The following PTCHD4 variants were observed in gnomAD, a reference collection of about 807,000 sequenced individuals.
PTCHD4 encodes the protein patched domain containing 4.
In PTCHD4, 33 loss-of-function variants were observed where a neutral mutation model predicts 58.1. The observed-to-expected ratio is 0.57, with a 90% CI of 0.43 to 0.76. The LOEUF is 0.76. Ranked by LOEUF, PTCHD4 falls within the 30% of genes least tolerant of loss-of-function variation. The pLI, the probability that PTCHD4 is intolerant of heterozygous loss-of-function variation, is 0.00. For missense variants in PTCHD4, 1,058 were observed against 1,027.1 expected (o/e 1.03, Z -0.41); for synonymous variants, 478 against 409.6 (o/e 1.17, Z -2.02).
intron 4 of PTCHD4, among the ~76,000 whole-genome samples, chr6:47,912,806 A>T (rs993885841): frequency 5.9e-5 from 9 of 152,164 alleles, no homozygotes; most frequent in African/African-American, 2.2e-4. Context: ...AGCAGCACAG[A>T]GTGCAAAGTG....
intron 3 of PTCHD4, among the ~76,000 whole-genome samples, chr6:48,050,691 T>C (rs1335728604): frequency 1.3e-5 from 2 of 151,952 alleles, no homozygotes; most frequent in Non-Finnish European, 2.9e-5. Flanking sequence ...CACACCACCA[T>C]TACATGGTGG....
chr6:47,928,346 G>A (rs1360239440), intron 4 of PTCHD4, among the ~76,000 whole-genome samples: 1 of 152,210 alleles, frequency 6.6e-6, no homozygotes, highest in Non-Finnish European at 1.5e-5. Flanking sequence ...GAAAGTCAGT[G>A]AGAATGAAAC....
At chr6:48,077,181 T>C (rs1765076621) in intron 1 of PTCHD4, among the ~76,000 whole-genome samples, 1 of 152,348 alleles carries the variant, frequency 6.6e-6, no homozygotes, top group South Asian at 2.1e-4. Context: ...CAGGCTTTGT[T>C]GTTTCATTTG....
chr6:47,998,315 C>T (rs979543783), intron 4 of PTCHD4, among the ~76,000 whole-genome samples: 1 of 152,184 alleles, frequency 6.6e-6, no homozygotes, highest in African/African-American at 2.4e-5. Context: ...CCCTGCTTAG[C>T]TATTCAATCC....
chr6:48,083,127 CAT>C (rs934407105), intron 1 of PTCHD4, among the ~76,000 whole-genome samples: 1 of 149,550 alleles, frequency 6.7e-6, no homozygotes. Flanking sequence ...AGAAAGTCTG[CAT>C]ATATATATAT....
Position 47,998,997 on chromosome 6 carries a change from A to T in PTCHD4, c.898+9637T>A, listed in dbSNP as rs148236475. ...AATCATAAAAGCCACCAATAAGTCAATGTTTAAAAATGTTGACTATGGGTA... is the reference window on the plus strand; with the variant it reads ...AATCATAAAAGCCACCAATAAGTCATTGTTTAAAAATGTTGACTATGGGTA... On this transcript the variant is annotated intron_variant, in intron 4 of 4. Coordinates refer to ENST00000339488, the MANE Select transcript of PTCHD4 (RefSeq NM_001384253.1). Among the ~76,000 whole-genome samples, 740 of 152,326 alleles carry T rather than the reference A, an allele frequency of 4.9e-3. 5 individuals carry two copies. The highest frequency in any genetic ancestry group is 0.017 in the African/African-American group (708 of 41,588).
intron 1 of PTCHD4, among the ~76,000 whole-genome samples, chr6:48,086,446 TC>T (rs1765266574): frequency 6.6e-6 from 1 of 151,238 alleles, no homozygotes; most frequent in African/African-American, 2.4e-5. Flanking sequence ...TTAATAAAAG[TC>T]TAGTATCCAT....
chr6:47,987,844 T>C (rs982586126), intron 4 of PTCHD4, among the ~76,000 whole-genome samples: 8 of 151,838 alleles, frequency 5.3e-5, no homozygotes, highest in African/African-American at 1.9e-4. Flanking sequence ...TGGCGTGATC[T>C]CAGCTTACTG....
intron 4 of PTCHD4, among the ~76,000 whole-genome samples, chr6:47,941,814 G>T (rs949594213): frequency 1.3e-5 from 2 of 152,136 alleles, no homozygotes; most frequent in African/African-American, 4.8e-5. Context: ...TTACTACTAA[G>T]ATTTTTTTCT....
intron 3 of PTCHD4, among the ~76,000 whole-genome samples, chr6:48,034,768 G>A (rs554564890): frequency 6.6e-6 from 1 of 152,172 alleles, no homozygotes; most frequent in African/African-American, 2.4e-5. Flanking sequence ...TCTCTTTGCA[G>A]CCAATGAAAA....
At chr6:48,040,504 C>T (rs1206265856) in intron 3 of PTCHD4, among the ~76,000 whole-genome samples, 2 of 151,896 alleles carry the variant, frequency 1.3e-5, no homozygotes, top group African/African-American at 2.4e-5. Flanking sequence ...ATCCTATTTC[C>T]TAGCTCCCAC....
chr6:48,081,066 A>G (rs1254191848), intron 1 of PTCHD4, among the ~76,000 whole-genome samples: 2 of 152,196 alleles, frequency 1.3e-5, no homozygotes, highest in African/African-American at 2.4e-5. Flanking sequence ...AGGCATGGAA[A>G]CCACGTTTAT....
rs1266600296 is a variant in PTCHD4, at chr6:48,007,937, CA to C, written c.898+696del. Among the ~76,000 whole-genome samples, 21 of 2,214 alleles carry C rather than the reference CA, an allele frequency of 9.5e-3. No individual in the cohort carries two copies. The East Asian group carries it at 0.24, about 25-fold the overall frequency. 1.5% of individuals were successfully genotyped at this position (2,214 alleles called of 152,430 possible). On this transcript the variant is annotated intron_variant, in intron 4 of 4. Transcript: ENST00000339488. ...CTTTGAAAGAATATGTGCGCGCGCG[CA>C]CACACACACACACACACACACACAC...
chr6:47,879,888 G>T lies in PTCHD4; in HGVS notation c.947C>A (p.Thr316Asn). 1 of 1,586,222 alleles carries T rather than the reference G, an allele frequency of 6.3e-7. No homozygotes were observed. Among genetic ancestry groups the T allele is most frequent in the Non-Finnish European group, 8.6e-7 (1 of 1,165,508 alleles). ...VFELLSGWRR[T>N]KENLPFKDRI... is the part of the protein sequence containing the mutation. ...GTCTTTGAAGGGCAAGTTCTCTTTGGTTCTCCGCCATCCGGACAGAAGCTC... is the reference window on the plus strand; with the variant it reads ...GTCTTTGAAGGGCAAGTTCTCTTTGTTTCTCCGCCATCCGGACAGAAGCTC... Residue 316 changes from threonine to asparagine, a missense_variant, in exon 5 of 5, where the codon ACC (threonine) becomes AAC (asparagine). Physicochemically the swap from Thr to Asn is moderately conservative, Grantham distance 65. Transcript: ENST00000339488.
intron 3 of PTCHD4, among the ~76,000 whole-genome samples, chr6:48,050,121 T>C (rs1454364012): frequency 6.6e-6 from 1 of 152,002 alleles, no homozygotes. Flanking sequence ...TGGAACATCA[T>C]AATAAAGAGA....
intron 3 of PTCHD4, among the ~76,000 whole-genome samples, chr6:48,013,182 C>T (rs1977206): frequency 0.12 from 18,731 of 151,932 alleles, 1,506 homozygotes; most frequent in South Asian, 0.2. Context: ...TGGTAGAATT[C>T]GGCTGTGAAT....
At chr6:47,913,793 T>C (rs1765143793) in intron 4 of PTCHD4, among the ~76,000 whole-genome samples, 1 of 152,142 alleles carries the variant, frequency 6.6e-6, no homozygotes, top group Non-Finnish European at 1.5e-5. Flanking sequence ...AGGAGGCTGA[T>C]TCTGCAGAGG....
At chr6:47,935,775 T>C (rs55899134) in intron 4 of PTCHD4, among the ~76,000 whole-genome samples, 15,981 of 152,158 alleles carry the variant, frequency 0.11, 864 homozygotes, top group Middle Eastern at 0.12. Context: ...CTTGCTCTCA[T>C]TGATATATTC....
chr6:47,931,317 C>T (rs1299733928), intron 4 of PTCHD4, among the ~76,000 whole-genome samples: 6 of 152,172 alleles, frequency 3.9e-5, no homozygotes, highest in Admixed American at 3.9e-4. Flanking sequence ...ACCACACATG[C>T]AAATATCATG....
Sources: gnomAD v4.1 joint callset for allele counts (sites outside exome capture counted in the v4.1 genomes callset) on GRCh38, gnomAD v4.1.1 for gene constraint, MANE v1.5 for transcripts, NCBI Gene and HGNC (gene_info 2026-07-23, HGNC 2026-07-21) for gene names.